SRFBP1: variants seen among roughly 807,000 people sequenced by gnomAD.
SRFBP1 encodes the protein serum response factor-binding protein 1.
Under a neutral mutation model 45.5 loss-of-function variants are expected in SRFBP1, and 47 were observed. That is an observed-to-expected ratio of 1.03 (90% confidence interval 0.82 to 1.32). The LOEUF (loss-of-function observed/expected upper bound fraction) is 1.32, where lower values mean the gene tolerates loss of function less well. SRFBP1 is among the 40% of genes most tolerant of loss of function. The pLI is 0.00. For synonymous variants in SRFBP1, 203 were observed against 166.3 expected (o/e 1.22, Z -1.70); for missense variants, 621 against 484.6 (o/e 1.28, Z -2.64).
chr5:122,019,186 TTTTA>T, intron 4 of SRFBP1, 70 bp from the exon 5 acceptor site: 2 of 1,261,974 alleles, frequency 1.6e-6, no homozygotes, highest in East Asian at 2.4e-5. Flanking sequence ...CTATGATAGA[TTTTA>T]TTTTATTCAC....
At chr5:121,969,960 C>G (rs1295802315) in intron 1 of SRFBP1, among the ~76,000 whole-genome samples, 1 of 152,114 alleles carries the variant, frequency 6.6e-6, no homozygotes, top group Non-Finnish European at 1.5e-5. Context: ...TTTTACAATT[C>G]TAACAATGAT....
intron 4 of SRFBP1, among the ~76,000 whole-genome samples, chr5:122,000,203 G>A (rs888489639): frequency 6.6e-6 from 1 of 151,952 alleles, no homozygotes; most frequent in Non-Finnish European, 1.5e-5. Flanking sequence ...AATGATCTAA[G>A]AACAGTAAAT....
intron 4 of SRFBP1, among the ~76,000 whole-genome samples, chr5:122,018,089 G>T (rs1753224082): frequency 6.6e-6 from 1 of 152,216 alleles, no homozygotes; most frequent in African/African-American, 2.4e-5. Flanking sequence ...TGAATACAGT[G>T]AGATGATCAG....
rs535782530 is a variant in SRFBP1, at chr5:122,017,045, G to C, written c.271-2215G>C. ...GGAGTTCGACACCAGCCTGGCCAAC[G>C]TGGTGAAACCCCATCTCTACTAAAA... On this transcript the variant is annotated intron_variant, in intron 4 of 7. Transcript: ENST00000339397. 1.4e-3 allele frequency among the ~76,000 whole-genome samples: 210 copies of C among 152,092 alleles called. 2 individuals are homozygous for C. Among genetic ancestry groups the C allele is most frequent in the African/African-American group, 4.8e-3 (201 of 41,512 alleles).
intron 2 of SRFBP1, among the ~76,000 whole-genome samples, chr5:122,053,358 G>A (rs540900488): frequency 2.6e-5 from 4 of 152,236 alleles, no homozygotes; most frequent in South Asian, 2.1e-4. Flanking sequence ...CTTCAGAGCC[G>A]GAAGCTTTAG....
At chr5:122,076,880 T>C (rs748533916), downstream of SRFBP1, 2 of 1,612,624 alleles carry the variant, frequency 1.2e-6, no homozygotes, top group South Asian at 1.1e-5. Context: ...GCCTCAGACA[T>C]ATCAGCCCGT....
At chr5:122,007,049 G>T (rs1489774003) in intron 4 of SRFBP1, among the ~76,000 whole-genome samples, 1 of 151,966 alleles carries the variant, frequency 6.6e-6, no homozygotes, top group Non-Finnish European at 1.5e-5. Flanking sequence ...TACTTGCTTT[G>T]TCTGGGAGAA....
At chr5:121,976,837 CTG>C (rs910096227) in intron 3 of SRFBP1, among the ~76,000 whole-genome samples, 2 of 150,356 alleles carry the variant, frequency 1.3e-5, no homozygotes, top group African/African-American at 4.9e-5. Flanking sequence ...TGTTTAAAAA[CTG>C]GAGTAAACTG....
Position 121,997,502 on chromosome 5 carries a change from A to G in SRFBP1, c.270+2832A>G, listed in dbSNP as rs983866820. On this transcript the variant is annotated intron_variant, in intron 4 of 7. Transcript: ENST00000339397. ...ACTGGATCCCTTCTTTACACCTTAT[A>G]CAAAAATCAATTCAAGATGGATTAA... Among the ~76,000 whole-genome samples, 45 of 152,082 alleles carry G rather than the reference A, an allele frequency of 3.0e-4. No individual in the cohort carries two copies. In the South Asian group the frequency reaches 8.7e-3, roughly 29 times the overall value.
intron 3 of SRFBP1, among the ~76,000 whole-genome samples, chr5:121,991,473 TAGG>T (rs1185775551): frequency 6.6e-6 from 1 of 152,102 alleles, no homozygotes; most frequent in Non-Finnish European, 1.5e-5. Context: ...AGCAGACTCT[TAGG>T]AGGATTCAGA....
At chr5:122,044,575 G>T (rs1490642873) in intron 2 of SRFBP1, among the ~76,000 whole-genome samples, 2 of 151,646 alleles carry the variant, frequency 1.3e-5, no homozygotes, top group Admixed American at 1.3e-4. Flanking sequence ...GTATTGCATT[G>T]TGGTTTTGAT....
chr5:122,070,291 T>G (rs1159410696), intron 2 of SRFBP1: 2 of 682,196 alleles, frequency 2.9e-6, no homozygotes, highest in Non-Finnish European at 2.6e-6. Flanking sequence ...GTGGTTAAAC[T>G]CTGGAGACGT....
chr5:121,971,710 A>T (rs1752203009), intron 1 of SRFBP1, among the ~76,000 whole-genome samples: 1 of 152,022 alleles, frequency 6.6e-6, no homozygotes, highest in Non-Finnish European at 1.5e-5. Flanking sequence ...CTGCCCCCTC[A>T]ACTCTTAACA....
intron 5 of SRFBP1, 136 bp from the exon 6 acceptor site, chr5:122,019,952 C>G: frequency 2.1e-6 from 1 of 485,882 alleles, no homozygotes. Context: ...TGAATTCAGA[C>G]CGAGTATATG....
chr5:122,056,425 G>A (rs944560746), intron 2 of SRFBP1, among the ~76,000 whole-genome samples: 1 of 152,168 alleles, frequency 6.6e-6, no homozygotes, highest in African/African-American at 2.4e-5. Context: ...AATTTGACAA[G>A]CACTCAGTAA....
intron 2 of SRFBP1, among the ~76,000 whole-genome samples, chr5:122,059,765 T>TA (rs757983628): frequency 5.2e-4 from 79 of 152,178 alleles, no homozygotes; most frequent in Admixed American, 1.2e-3. Context: ...GTAAGTGTGT[T>TA]AAAAGTACAC....
chr5:122,077,897 T>C (rs1236584777), downstream of SRFBP1: 3 of 1,522,864 alleles, frequency 2.0e-6, no homozygotes, highest in South Asian at 3.8e-5. This position sits in a 1 kb window ranked among gnomAD's most constrained non-coding sequence, Gnocchi z 4.9. Flanking sequence ...GCGCGGGGGC[T>C]GCTGTTGGCC....
At chr5:121,962,768 A>G (rs1409755747) in intron 1 of SRFBP1, among the ~76,000 whole-genome samples, 1 of 152,192 alleles carries the variant, frequency 6.6e-6, no homozygotes, top group Non-Finnish European at 1.5e-5. Context: ...CAACAAAATA[A>G]TGTCATCCAA....
intron 2 of SRFBP1, among the ~76,000 whole-genome samples, chr5:122,034,046 A>T (rs1439521128): frequency 6.6e-6 from 1 of 150,644 alleles, no homozygotes; most frequent in Non-Finnish European, 1.5e-5. Context: ...CTGGTCTCGA[A>T]CTCCTGACCT....
Sources: allele counts gnomAD v4.1 joint callset (sites outside exome capture counted in the v4.1 genomes callset), GRCh38; gene constraint gnomAD v4.1.1; non-coding constraint Gnocchi (gnomAD v3.1); transcripts MANE v1.5; gene names NCBI Gene and HGNC (gene_info 2026-07-23, HGNC 2026-07-21).